The following SV2C variants were observed in gnomAD, a reference collection of about 807,000 sequenced individuals.
The protein encoded by SV2C is solute carrier family 22 member B3.
A neutral mutation model predicts 79.7 loss-of-function variants in SV2C; 49 were observed. That is an observed-to-expected ratio of 0.61 (90% CI 0.49 to 0.78). The LOEUF is 0.78. Among genes scored for constraint, SV2C ranks in the 30% least tolerant of loss-of-function variants. SV2C has a pLI of 0.00. For missense variants in SV2C, 833 were observed against 912.9 expected (o/e 0.91, Z 1.13); for synonymous variants, 334 against 333.2 (o/e 1.00, Z -0.03).
At chr5:75,866,260 A>G in the SV2C span, among the ~76,000 whole-genome samples, 1 of 150,448 alleles carries the variant, frequency 6.6e-6, no homozygotes, top group African/African-American at 2.5e-5. Context: ...TTCTTATGCT[A>G]AACAGGTAGT....
chr5:76,031,745 C>T, the SV2C span, among the ~76,000 whole-genome samples: 1 of 152,190 alleles, frequency 6.6e-6, no homozygotes, highest in Admixed American at 6.5e-5. Context: ...ACTCTAATAC[C>T]ATCAGCTTGA....
intron 2 of SV2C, among the ~76,000 whole-genome samples, chr5:76,149,590 G>T (rs1402319149): frequency 6.6e-6 from 1 of 152,214 alleles, no homozygotes; most frequent in East Asian, 1.9e-4. Context: ...ATAAGTGGAA[G>T]TATTTGGCTT....
chr5:76,123,126 G>A (rs2112166495), intron 1 of SV2C, among the ~76,000 whole-genome samples: 2 of 152,282 alleles, frequency 1.3e-5, no homozygotes, highest in South Asian at 4.1e-4. Flanking sequence ...AGAAAATCTA[G>A]AAGAAATGGA....
chr5:76,213,004 GA>G (rs1398181196), intron 4 of SV2C, among the ~76,000 whole-genome samples: 1 of 152,176 alleles, frequency 6.6e-6, no homozygotes, highest in African/African-American at 2.4e-5. Context: ...AACAATGCAT[GA>G]AAAGTTACAA....
chr5:75,963,208 A>G, the SV2C span, among the ~76,000 whole-genome samples: 42 of 152,228 alleles, frequency 2.8e-4, no homozygotes, highest in East Asian at 7.2e-3. Context: ...TGAAAAATTG[A>G]AAACCTCTGT....
the SV2C span, among the ~76,000 whole-genome samples, chr5:76,071,467 T>C: frequency 6.6e-6 from 1 of 152,160 alleles, no homozygotes; most frequent in South Asian, 2.1e-4. Flanking sequence ...GACTGGGAGT[T>C]GAGTGAAGAG....
At chr5:76,044,159 T>C in the SV2C span, among the ~76,000 whole-genome samples, 2 of 152,298 alleles carry the variant, frequency 1.3e-5, no homozygotes, top group South Asian at 2.1e-4. Context: ...GAACATGCGA[T>C]GTTTGTTTTT....
the SV2C span, among the ~76,000 whole-genome samples, chr5:76,006,501 C>T: frequency 6.6e-6 from 1 of 152,154 alleles, no homozygotes; most frequent in African/African-American, 2.4e-5. Context: ...TTACAGCATT[C>T]CACCATCAGA....
At position 76,331,489 on chromosome 5, in the gene SV2C, G is replaced by C. The variant is rs957017416; in HGVS notation, c.*5942G>C. 6.6e-6 allele frequency: 1 copy of C among 152,234 alleles called. No homozygotes were observed. The highest frequency in any genetic ancestry group is 1.5e-5 in the Non-Finnish European group (1 of 68,096). The allele number at this position is 152,234 out of a possible 1,614,324, so 9.4% of individuals were successfully genotyped here. On this transcript the variant is annotated 3_prime_UTR_variant, in exon 13 of 13. Coordinates refer to ENST00000502798, the MANE Select transcript of SV2C (RefSeq NM_014979.4). ...CAGTTTAAAACTGGTGCGTGTTGTT[G>C]CAAGTGTCTTGAAGTTGCAAAGGAT... is the stretch of plus-strand genomic sequence containing the variant.
At chr5:75,882,789 TAA>T in the SV2C span, among the ~76,000 whole-genome samples, 8 of 142,532 alleles carry the variant, frequency 5.6e-5, no homozygotes, top group African/African-American at 2.0e-4. Flanking sequence ...CCTAAAACCA[TAA>T]AAAAAAAAAC....
chr5:75,874,995 A>G, the SV2C span, among the ~76,000 whole-genome samples: 1 of 152,226 alleles, frequency 6.6e-6, no homozygotes, highest in Non-Finnish European at 1.5e-5. Context: ...AGCAATTTAC[A>G]GATTCAATGC....
At chr5:76,035,483 AT>A in the SV2C span, among the ~76,000 whole-genome samples, 1 of 151,964 alleles carries the variant, frequency 6.6e-6, no homozygotes, top group African/African-American at 2.4e-5. Context: ...GAACATCTTT[AT>A]TTCTGCCTTC....
the SV2C span, among the ~76,000 whole-genome samples, chr5:75,926,858 C>T: frequency 1.3e-5 from 2 of 152,278 alleles, no homozygotes; most frequent in Non-Finnish European, 2.9e-5. Context: ...CTCTTGTATA[C>T]TCTCACCATT....
intron 12 of SV2C, among the ~76,000 whole-genome samples, chr5:76,314,684 C>A (rs1213839213): frequency 6.6e-6 from 1 of 152,206 alleles, no homozygotes; most frequent in South Asian, 2.1e-4. Context: ...GAGGAAAATG[C>A]GGCACAGAGA....
the SV2C span, among the ~76,000 whole-genome samples, chr5:75,891,257 A>G: frequency 6.6e-6 from 1 of 152,136 alleles, no homozygotes; most frequent in Non-Finnish European, 1.5e-5. Context: ...AAACAGAGAG[A>G]TAACCAGGAA....
chr5:75,942,947 C>T, the SV2C span, among the ~76,000 whole-genome samples: 6 of 152,036 alleles, frequency 3.9e-5, no homozygotes, highest in Admixed American at 1.3e-4. Flanking sequence ...GGAGGATTAC[C>T]GAGCCTAGAA....
At chr5:76,227,125 T>C (rs982222817) in intron 4 of SV2C, among the ~76,000 whole-genome samples, 2 of 152,044 alleles carry the variant, frequency 1.3e-5, no homozygotes, top group Non-Finnish European at 2.9e-5. Context: ...GAAGTACCCT[T>C]GGTGATTTGT....
chr5:76,304,544 A>C (rs1748122208), intron 12 of SV2C, among the ~76,000 whole-genome samples: 1 of 152,248 alleles, frequency 6.6e-6, no homozygotes, highest in Admixed American at 6.5e-5. Flanking sequence ...TGTTGCTCTA[A>C]CAAAGTACCT....
chr5:75,848,975 C>G, the SV2C span, among the ~76,000 whole-genome samples: 6 of 152,232 alleles, frequency 3.9e-5, no homozygotes, highest in South Asian at 2.1e-4. Flanking sequence ...AAATATTCGG[C>G]ACGTAGTGCC....
Sources: gnomAD v4.1 joint callset for allele counts (sites outside exome capture counted in the v4.1 genomes callset) on GRCh38, gnomAD v4.1.1 for gene constraint, MANE v1.5 for transcripts, NCBI Gene and HGNC (gene_info 2026-07-23, HGNC 2026-07-21) for gene names.